PITPNC1: variants seen among roughly 807,000 people sequenced by gnomAD.
The protein encoded by PITPNC1 is cytoplasmic phosphatidylinositol transfer protein 1.
PITPNC1 carries 18 observed loss-of-function variants against 44.7 expected under a neutral mutation model. The observed-to-expected ratio is 0.40, with a 90% confidence interval of 0.28 to 0.60. PITPNC1 has a LOEUF of 0.60. PITPNC1 is among the 20% of genes least tolerant of loss of function. The probability of loss-of-function intolerance (pLI) is 0.39; values close to 1 mark genes in which losing one functional copy is unlikely to be tolerated. For missense variants in PITPNC1, 290 were observed against 418.4 expected (o/e 0.69, Z 2.68); for synonymous variants, 141 against 149.6 (o/e 0.94, Z 0.42).
At chr17:67,496,315 T>C (rs1277220598) in intron 1 of PITPNC1, among the ~76,000 whole-genome samples, 1 of 152,232 alleles carries the variant, frequency 6.6e-6, no homozygotes, top group Non-Finnish European at 1.5e-5. Context: ...TTGTATGCGG[T>C]TATTCCCCCA....
At chr17:67,631,053 G>GTTGTTATTATTATTA (rs886876286) in intron 5 of PITPNC1, among the ~76,000 whole-genome samples, 9 of 127,768 alleles carry the variant, frequency 7.0e-5, no homozygotes, top group African/African-American at 2.6e-4. Flanking sequence ...TGTTGTTGTT[G>GTTGTTATTATTATTA]TTATTATTAT....
intron 5 of PITPNC1, among the ~76,000 whole-genome samples, chr17:67,629,685 G>T (rs1011467703): frequency 1.3e-5 from 2 of 152,232 alleles, no homozygotes; most frequent in East Asian, 3.8e-4. Context: ...CGCAAACAGT[G>T]TGAGACCCAG....
rs181698640 is a variant in PITPNC1 at position 67,511,508 on chromosome 17, A to T, written c.49-21294A>T. Among the ~76,000 whole-genome samples the T allele has an allele frequency of 2.4e-3, 362 of 152,030 alleles. 5 individuals carry two copies. The highest frequency in any genetic ancestry group is 6.8e-3 in the Middle Eastern group (2 of 294). ...TCCCTTCACCTCGTCAATACTGGCTAGCTGTTCTTTTTCTTTTTGAGACAG... is the reference window on the plus strand; with the variant it reads ...TCCCTTCACCTCGTCAATACTGGCTTGCTGTTCTTTTTCTTTTTGAGACAG... On this transcript the variant is annotated intron_variant, in intron 1 of 8. Transcript: ENST00000581322.
At chr17:67,634,950 G>T (rs2042016150) in intron 6 of PITPNC1, among the ~76,000 whole-genome samples, 1 of 152,156 alleles carries the variant, frequency 6.6e-6, no homozygotes, top group South Asian at 2.1e-4. Flanking sequence ...CTACTCAGAA[G>T]ACTGAGGCAG....
chr17:67,478,617 A>G (rs1169279280), intron 1 of PITPNC1, among the ~76,000 whole-genome samples: 4 of 152,004 alleles, frequency 2.6e-5, no homozygotes, highest in Non-Finnish European at 5.9e-5. Flanking sequence ...AAAAACAACA[A>G]CAAACCAAAC....
chr17:67,658,695 G>T (rs996427515), intron 6 of PITPNC1, among the ~76,000 whole-genome samples: 1 of 152,120 alleles, frequency 6.6e-6, no homozygotes, highest in Non-Finnish European at 1.5e-5. Flanking sequence ...TGCCCACCTT[G>T]CTTTGTTTGC....
At chr17:67,443,618 A>G (rs1190536162) in intron 1 of PITPNC1, among the ~76,000 whole-genome samples, 2 of 147,526 alleles carry the variant, frequency 1.4e-5, no homozygotes, top group Non-Finnish European at 3.0e-5. Flanking sequence ...GACAATAGGC[A>G]GAGAGGACAC....
intron 1 of PITPNC1, among the ~76,000 whole-genome samples, chr17:67,499,773 C>CAAAAA (rs1299582371): frequency 2.0e-5 from 3 of 152,308 alleles, no homozygotes; most frequent in Non-Finnish European, 2.9e-5. Context: ...CAATAGCATG[C>CAAAAA]TTTTCAGGTT....
chr17:67,488,649 C>G (rs1426732775), intron 1 of PITPNC1, among the ~76,000 whole-genome samples: 1 of 152,168 alleles, frequency 6.6e-6, no homozygotes, highest in South Asian at 2.1e-4. Flanking sequence ...TAAGTGCATT[C>G]CTATCGTTGT....
At chr17:67,461,914 G>A (rs2039343596) in intron 1 of PITPNC1, among the ~76,000 whole-genome samples, 1 of 152,176 alleles carries the variant, frequency 6.6e-6, no homozygotes, top group African/African-American at 2.4e-5. Context: ...TGGACTATTT[G>A]ATGACTTGCT....
chr17:67,476,763 G>T (rs1194708907), intron 1 of PITPNC1, among the ~76,000 whole-genome samples: 1 of 152,062 alleles, frequency 6.6e-6, no homozygotes, highest in African/African-American at 2.4e-5. Flanking sequence ...GGCATTACAG[G>T]TGTGAGCCAC....
Position 67,608,791 on chromosome 17 carries a change from G to T in PITPNC1, c.367-23352G>T, listed in dbSNP as rs376963470. On this transcript the variant is annotated intron_variant, in intron 5 of 8. Coordinates refer to ENST00000581322, the MANE Select transcript of PITPNC1 (RefSeq NM_012417.4). ...AGCGTTGGGAGGCATGAACCATCACGCCCGGCCTGTTTCTCAGCTTTTCTT... is the reference window on the plus strand; with the variant it reads ...AGCGTTGGGAGGCATGAACCATCACTCCCGGCCTGTTTCTCAGCTTTTCTT... 8.8e-5 allele frequency among the ~76,000 whole-genome samples: 13 copies of T among 147,582 alleles called. No individual in the cohort carries two copies. The South Asian group carries it at 2.8e-3, about 32-fold the overall frequency.
At chr17:67,688,001 A>C (rs2042847737) in intron 8 of PITPNC1, among the ~76,000 whole-genome samples, 1 of 149,864 alleles carries the variant, frequency 6.7e-6, no homozygotes, top group Non-Finnish European at 1.5e-5. Flanking sequence ...CCTCATGTCC[A>C]TTAGCCCAGT....
At position 67,644,406 on chromosome 17, in the gene PITPNC1, T is replaced by C. The variant is rs79316366; in HGVS notation, c.462+12168T>C. Among the ~76,000 whole-genome samples the C allele has an allele frequency of 5.6e-3, 839 of 150,484 alleles. 11 individuals carry two copies. Among genetic ancestry groups the C allele is most frequent in the African/African-American group, 0.019 (787 of 40,912 alleles). On this transcript the variant is annotated intron_variant, in intron 6 of 8. Coordinates refer to ENST00000581322, the MANE Select transcript of PITPNC1 (RefSeq NM_012417.4). Reference sequence around the variant, plus strand: ...CAAGCTCTTCTTCAGTTCCATCTCATGGAGAACTTCCCTCTGTAATTTTTT... The same window carrying C: ...CAAGCTCTTCTTCAGTTCCATCTCACGGAGAACTTCCCTCTGTAATTTTTT...
intron 1 of PITPNC1, among the ~76,000 whole-genome samples, chr17:67,450,145 T>A (rs557953842): frequency 3.9e-5 from 6 of 152,364 alleles, no homozygotes; most frequent in African/African-American, 1.4e-4. Context: ...TTTGCTCTTA[T>A]GATTTAGAAG....
In PITPNC1 at chr17:67,647,478, T is replaced by TG. The variant is rs1193788399; in HGVS notation, c.462+15240_462+15241insG. Among the ~76,000 whole-genome samples the TG allele has an allele frequency of 2.0e-3, 253 of 128,378 alleles. 1 individual carries two copies. Among genetic ancestry groups the TG allele is most frequent in the African/African-American group, 6.7e-3 (235 of 34,850 alleles). The allele number at this position is 128,378 out of a possible 152,430, so 84.2% of individuals were successfully genotyped here. A position where few individuals can be genotyped will look rare whatever the true frequency, so the allele number is the denominator to read the frequency against. On this transcript the variant is annotated intron_variant, in intron 6 of 8. Transcript: ENST00000581322. Reference sequence around the variant, plus strand: ...GCTAATTTTGGGTTTTTTTTTTTTTTTTTTTTTTTTTTTTTGTAGAGACGG... The same window carrying TG: ...GCTAATTTTGGGTTTTTTTTTTTTTTGTTTTTTTTTTTTTTTGTAGAGACGG...
chr17:67,495,570 T>C (rs2039942116), intron 1 of PITPNC1, among the ~76,000 whole-genome samples: 1 of 152,160 alleles, frequency 6.6e-6, no homozygotes, highest in African/African-American at 2.4e-5. Flanking sequence ...ATGTCTGTTG[T>C]TCCCCTCTTT....
intron 1 of PITPNC1, among the ~76,000 whole-genome samples, chr17:67,518,829 G>A (rs1360412287): frequency 6.6e-6 from 1 of 152,126 alleles, no homozygotes. Flanking sequence ...TGTAGTCCCG[G>A]CTACTCCAGA....
At chr17:67,638,348 T>C (rs545036709) in intron 6 of PITPNC1, 11 of 152,320 alleles carry the variant, frequency 7.2e-5, no homozygotes, top group Admixed American at 5.2e-4. Flanking sequence ...GCCTTTGATA[T>C]TGGCTTCTAG....
Sources: gnomAD v4.1 joint callset for allele counts (sites outside exome capture counted in the v4.1 genomes callset) on GRCh38, gnomAD v4.1.1 for gene constraint, MANE v1.5 for transcripts, NCBI Gene and HGNC (gene_info 2026-07-23, HGNC 2026-07-21) for gene names.